SCOC: variants seen among roughly 807,000 people sequenced by gnomAD.
SCOC encodes short coiled-coil protein, also known as short coiled coil protein.
Under a neutral mutation model 9.9 loss-of-function variants are expected in SCOC, and 7 were observed. The observed-to-expected ratio is 0.71, with a 90% CI of 0.40 to 1.33. The LOEUF (loss-of-function observed/expected upper bound fraction) is 1.33. Among genes scored for constraint, SCOC ranks in the 40% most tolerant of loss-of-function variants. SCOC has a pLI of 0.01. For missense variants in SCOC, 66 were observed against 89.7 expected, an observed-to-expected ratio of 0.74 and a Z score of 1.07; for synonymous variants, 19 against 28.2, an observed-to-expected ratio of 0.67 and a Z score of 1.03.
chr4:140,349,806 C>G (rs1560713615), intron 2 of SCOC, among the ~76,000 whole-genome samples: 1 of 152,176 alleles, frequency 6.6e-6, no homozygotes, highest in Non-Finnish European at 1.5e-5. Flanking sequence ...GCACCTGCCT[C>G]CCAATGGTTT....
intron 1 of SCOC, among the ~76,000 whole-genome samples, chr4:140,314,873 T>C (rs1732268012): frequency 6.6e-6 from 1 of 150,792 alleles, no homozygotes; most frequent in Non-Finnish European, 1.5e-5. Context: ...CCCCACCAAG[T>C]TCTCCACAAG....
chr4:140,272,714 G>T (rs1311698780), intron 1 of SCOC, among the ~76,000 whole-genome samples: 2 of 152,042 alleles, frequency 1.3e-5, no homozygotes, highest in Non-Finnish European at 2.9e-5. Context: ...AAGTCAAAAA[G>T]ATGTGTCAAC....
intron 1 of SCOC, among the ~76,000 whole-genome samples, chr4:140,289,193 C>A (rs1170630808): frequency 6.6e-6 from 1 of 152,168 alleles, no homozygotes; most frequent in Non-Finnish European, 1.5e-5. Flanking sequence ...CCAACTGAAC[C>A]AGTAGTCATA....
intron 1 of SCOC, among the ~76,000 whole-genome samples, chr4:140,258,080 C>T (rs1203831677): frequency 2.0e-5 from 3 of 152,212 alleles, no homozygotes; most frequent in Admixed American, 6.5e-5. Flanking sequence ...CTCAGCCTGC[C>T]ACACCTGCAC....
chr4:140,352,369 A>T (rs1254180566), intron 2 of SCOC, among the ~76,000 whole-genome samples: 1 of 152,170 alleles, frequency 6.6e-6, no homozygotes, highest in African/African-American at 2.4e-5. Context: ...GCAGAGTAAA[A>T]TATCTGTTCC....
At chr4:140,340,988 G>C (rs1329575715), upstream of SCOC, among the ~76,000 whole-genome samples, 1 of 151,452 alleles carries the variant, frequency 6.6e-6, no homozygotes, top group African/African-American at 2.4e-5. Context: ...AGTAGAGACA[G>C]GGTTTCACCA....
intron 2 of SCOC, among the ~76,000 whole-genome samples, chr4:140,361,666 A>G (rs933601925): frequency 6.6e-6 from 1 of 152,164 alleles, no homozygotes; most frequent in African/African-American, 2.4e-5. Flanking sequence ...CTCTAAATAA[A>G]TAAAATAATG....
intron 2 of SCOC, among the ~76,000 whole-genome samples, chr4:140,368,335 T>G (rs562298762): frequency 6.6e-6 from 1 of 152,214 alleles, no homozygotes; most frequent in Non-Finnish European, 1.5e-5. Context: ...CTAAGCAACA[T>G]GTTAACATCT....
At chr4:140,262,350 T>C (rs777386463) in intron 1 of SCOC, among the ~76,000 whole-genome samples, 7 of 152,228 alleles carry the variant, frequency 4.6e-5, no homozygotes, top group African/African-American at 7.2e-5. Flanking sequence ...TGGATTCTGA[T>C]TGTGACTTGC....
intron 1 of SCOC, among the ~76,000 whole-genome samples, chr4:140,281,446 C>T (rs1033097712): frequency 2.0e-5 from 3 of 152,186 alleles, no homozygotes; most frequent in East Asian, 1.9e-4. Context: ...AAATAAGCTC[C>T]AAAGCCATCC....
At chr4:140,343,675 A>C in exon 2 of SCOC, 1 of 1,613,800 alleles carries the variant, frequency 6.2e-7, no homozygotes, top group Non-Finnish European at 8.5e-7. Context: ...GGAAGACAGC[A>C]CATTCACCAA....
At chr4:140,284,117 A>G (rs1344142979) in intron 1 of SCOC, 1 of 152,176 alleles carries the variant, frequency 6.6e-6, no homozygotes, top group Non-Finnish European at 1.5e-5. Context: ...GAGAGGACCT[A>G]AGAGACTGAG....
At chr4:140,316,027 C>G (rs1033655297) in intron 1 of SCOC, among the ~76,000 whole-genome samples, 5 of 152,052 alleles carry the variant, frequency 3.3e-5, no homozygotes, top group Non-Finnish European at 7.4e-5. Context: ...GACAGAAGCT[C>G]TAGAAAATGT....
intron 1 of SCOC, among the ~76,000 whole-genome samples, chr4:140,282,031 C>G (rs928275595): frequency 6.6e-6 from 1 of 152,174 alleles, no homozygotes; most frequent in Non-Finnish European, 1.5e-5. Context: ...TATGATGTTT[C>G]AGGAAAGCAA....
chr4:140,317,810 C>T (rs1321226296), intron 1 of SCOC, among the ~76,000 whole-genome samples: 1 of 150,774 alleles, frequency 6.6e-6, no homozygotes, highest in African/African-American at 2.4e-5. Flanking sequence ...AACTCGTCAT[C>T]TAGCATTAGG....
chr4:140,297,064 C>G (rs1291415312), intron 1 of SCOC, among the ~76,000 whole-genome samples: 1 of 152,212 alleles, frequency 6.6e-6, no homozygotes, highest in African/African-American at 2.4e-5. Flanking sequence ...ATTTCACAAG[C>G]CCTGGGACTT....
rs531103492 is a variant in SCOC, at chr4:140,259,103, A to G, written c.-19+1693A>G. On this transcript the variant is annotated intron_variant, in intron 1 of 4. Transcript: ENST00000394205. ...CAGGGTTATTACTGAAGCTAATATA[A>G]GTCAAGGGAAAAATGCATGGGCAAG... Among the ~76,000 whole-genome samples, 10 of 152,268 alleles carry G rather than the reference A, an allele frequency of 6.6e-5. No homozygotes were observed. In the South Asian group the frequency reaches 1.2e-3, roughly 19 times the overall value.
intron 1 of SCOC, among the ~76,000 whole-genome samples, chr4:140,318,119 A>G (rs1732386022): frequency 2.6e-5 from 4 of 151,752 alleles, no homozygotes. Flanking sequence ...CTAAAACCAT[A>G]AAAACCCTAG....
intron 1 of SCOC, among the ~76,000 whole-genome samples, chr4:140,375,933 ACG>A (rs1389544504): frequency 6.6e-6 from 1 of 152,138 alleles, no homozygotes; most frequent in Non-Finnish European, 1.5e-5. Context: ...CAGTGTTCCC[ACG>A]CTTGAGCAGA....
Sources: allele counts gnomAD v4.1 joint callset (sites outside exome capture counted in the v4.1 genomes callset), GRCh38; gene constraint gnomAD v4.1.1; transcripts MANE v1.5; gene names NCBI Gene and HGNC (gene_info 2026-07-23, HGNC 2026-07-21).